The following ZNF224 variants were observed in gnomAD, a reference collection of about 807,000 sequenced individuals.
ZNF224 encodes the protein bone marrow zinc finger 2.
A neutral mutation model predicts 10.5 loss-of-function variants in ZNF224; 8 were observed. That is an observed-to-expected ratio of 0.76 (90% CI 0.45 to 1.37). The LOEUF (loss-of-function observed/expected upper bound fraction) is 1.37. Ranked by LOEUF, ZNF224 falls within the 40% of genes most tolerant of loss-of-function variation. The pLI, the probability that ZNF224 is intolerant of heterozygous loss-of-function variation, is 0.00. For synonymous variants in ZNF224, 282 were observed against 287.8 expected, an observed-to-expected ratio of 0.98 and a Z score of 0.20; for missense variants, 754 against 854.0, an observed-to-expected ratio of 0.88 and a Z score of 1.46.
intron 1 of ZNF224, chr19:44,095,656 T>TA (rs1967421643): frequency 6.6e-6 from 1 of 152,214 alleles, no homozygotes; most frequent in Non-Finnish European, 1.5e-5. Flanking sequence ...CGCGGTGGCT[T>TA]ACGCCTGTAA....
rs1446348568 is a variant in ZNF224 at position 44,109,613 on chromosome 19, T to C, written c.*1329T>C. The stretch of plus-strand genomic sequence containing the variant: ...GAAACTATGCCTATGACACTAAAAC[T>C]CCAAAAAGTAGAAGACCACATTGAT... On this transcript the variant is annotated 3_prime_UTR_variant, in exon 6 of 6. Coordinates refer to ENST00000693561, the MANE Select transcript of ZNF224 (RefSeq NM_001321645.3). 6.6e-6 allele frequency: 1 copy of C among 152,050 alleles called. No homozygotes were observed. Among genetic ancestry groups the C allele is most frequent in the Non-Finnish European group, 1.5e-5 (1 of 67,998 alleles). The allele number at this position is 152,050 out of a possible 1,614,324, so 9.4% of individuals were successfully genotyped here.
intron 5 of ZNF224, chr19:44,105,185 ACT>A (rs1967630282): frequency 6.6e-6 from 1 of 152,100 alleles, no homozygotes; most frequent in Non-Finnish European, 1.5e-5. Flanking sequence ...ACCTAGTTTT[ACT>A]CTCAAGCAAA....
At chr19:44,106,310 G>A in intron 5 of ZNF224, 86 bp from the exon 6 acceptor site, 3 of 1,420,888 alleles carry the variant, frequency 2.1e-6, no homozygotes, top group East Asian at 4.6e-5. Flanking sequence ...ACTCATGAGA[G>A]TTTCCTGCCA....
chr19:44,097,201 C>A (rs1967453071), intron 2 of ZNF224: 1 of 161,252 alleles, frequency 6.2e-6, no homozygotes. Context: ...TACAAATATT[C>A]TATCAATATG....
chr19:44,107,726 T>C lies in ZNF224; in HGVS notation c.1566T>C (p.Asn522=), dbSNP rs374546157. 4.4e-6 allele frequency: 7 copies of C among 1,606,702 alleles called. No homozygotes were observed. In the African/African-American group the frequency reaches 6.9e-5, roughly 16 times the overall value. The change falls in exon 6 of 6, where the codon AAT becomes AAC. Residue 522 remains asparagine, a synonymous_variant. Transcript: ENST00000693561. Reference sequence around the variant, plus strand: ...GTGAGAAGTGTGGAAAGGGCTACAATAGTAAGTTTAATCTTGATATGCACC... The same window carrying C: ...GTGAGAAGTGTGGAAAGGGCTACAACAGTAAGTTTAATCTTGATATGCACC... ...YKCEKCGKGY[N]SKFNLDMHQK... is the part of the protein sequence containing the mutation.
At position 44,097,836 on chromosome 19, in the gene ZNF224, A is replaced by C. The variant is rs759250674; in HGVS notation, c.-38A>C. ...ATTCTGCTTTCCCAGGAACTGCATC[A>C]CTCAGGACTCTGCAAGTTTCCAGAA... is the stretch of plus-strand genomic sequence containing the variant. On this transcript the variant is annotated 5_prime_UTR_variant, in exon 3 of 6. Coordinates refer to ENST00000693561, the MANE Select transcript of ZNF224 (RefSeq NM_001321645.3). 1.2e-6 allele frequency: 2 copies of C among 1,613,434 alleles called. No individual in the cohort carries two copies. Among genetic ancestry groups the C allele is most frequent in the Non-Finnish European group, 1.7e-6 (2 of 1,179,720 alleles).
rs780415414 is a variant in ZNF224 at position 44,108,335 on chromosome 19, C to T, written c.*51C>T. The T allele has an allele frequency of 4.6e-6, 7 of 1,526,400 alleles. No homozygotes were observed. The highest frequency in any genetic ancestry group is 6.2e-6 in the Non-Finnish European group (7 of 1,136,552). The allele number at this position is 1,526,400 out of a possible 1,614,324, so 94.6% of individuals were successfully genotyped here. A position where few individuals can be genotyped will look rare whatever the true frequency, so the allele number is the denominator to read the frequency against. Reference sequence around the variant, plus strand: ...CACTCAGTCTTCATGAATGCAGTCTCATCTGAAAGTTCACAAAGGAGAGAC... The same window carrying T: ...CACTCAGTCTTCATGAATGCAGTCTTATCTGAAAGTTCACAAAGGAGAGAC... On this transcript the variant is annotated 3_prime_UTR_variant, in exon 6 of 6. Transcript: ENST00000693561.
At position 44,107,145 on chromosome 19, in the gene ZNF224, TCAG is replaced by T; in HGVS notation, c.988_990del (p.Ala330del). 2 of 1,607,004 alleles carry T rather than the reference TCAG, an allele frequency of 1.2e-6. No homozygotes were observed. Among genetic ancestry groups the T allele is most frequent in the East Asian group, 4.5e-5 (2 of 44,870 alleles). On this transcript the variant is annotated inframe_deletion, in exon 6 of 6. Transcript: ENST00000693561. ...GTGTGATAAGAGCTTTCGTCAGAGA[TCAG>T]CACTTAATAGTCATCGCATGATCCA...
In ZNF224 at chr19:44,106,690, C is replaced by T. The variant is rs72480796; in HGVS notation, c.530C>T (p.Thr177Met). Residue 177 changes from threonine to methionine, a missense_variant, in exon 6 of 6, where the codon ACG (threonine) becomes ATG (methionine). By Grantham distance (81) the Thr-to-Met change is moderately conservative (BLOSUM62 -1). Transcript: ENST00000693561. ...QQLHSGEKSHTCDECGKNFCY... is the reference protein window; with the variant it reads ...QQLHSGEKSHMCDECGKNFCY... ...TTACACTCAGGAGAGAAATCTCATA[C>T]GTGTGATGAGTGTGGAAAGAACTTT... 0.12 allele frequency: 185,012 copies of T among 1,601,742 alleles called. 11,697 individuals are homozygous for T. Among genetic ancestry groups the T allele is most frequent in the Non-Finnish European group, 0.13 (151,437 of 1,173,398 alleles).
intron 5 of ZNF224, 85 bp from the exon 6 acceptor site, chr19:44,106,311 T>C (rs1967658091): frequency 7.1e-6 from 10 of 1,417,602 alleles, no homozygotes; most frequent in Non-Finnish European, 9.8e-6. Flanking sequence ...CTCATGAGAG[T>C]TTCCTGCCAT....
At chr19:44,104,892 G>A (rs1310972890) in intron 5 of ZNF224, among the ~76,000 whole-genome samples, 1 of 152,214 alleles carries the variant, frequency 6.6e-6, no homozygotes, top group Non-Finnish European at 1.5e-5. Context: ...TCGATCTCCT[G>A]ACCTCGTGAT....
chr19:44,108,026 A>T lies in ZNF224; in HGVS notation c.1866A>T (p.Thr622=), dbSNP rs1178185985. 1.2e-6 allele frequency: 2 copies of T among 1,614,170 alleles called. No individual in the cohort carries two copies. The highest frequency in any genetic ancestry group is 4.5e-5 in the East Asian group (2 of 44,862). Residue 622 remains threonine (T), a synonymous_variant, in exon 6 of 6, where the codon ACA becomes ACT. Transcript: ENST00000693561. ...ATCAGAGACGCCACAGCAGAGAAAC[A>T]CCTCTCAAATGTGAGCAGCATGGGA... ...LTHQRRHSRE[T]PLKCEQHGKN...
intron 5 of ZNF224, chr19:44,105,534 T>TA (rs1967638148): frequency 6.6e-6 from 1 of 151,502 alleles, no homozygotes; most frequent in Non-Finnish European, 1.5e-5. Flanking sequence ...CAGTAGTCTT[T>TA]TTTTATTAAA....
At position 44,108,241 on chromosome 19, in the gene ZNF224, G is replaced by A. The variant is rs1357238967; in HGVS notation, c.2081G>A (p.Ser694Asn). ...GATATGTGCTTTAGTCAGGCCTCAA[G>A]CCTTCGACTTCATCAGAATGTTCAT... ...ECDMCFSQASSLRLHQNVHVG... is the reference protein window; with the variant it reads ...ECDMCFSQASNLRLHQNVHVG... Residue 694 changes from serine to asparagine, a missense_variant, in exon 6 of 6, where the codon AGC (serine) becomes AAC (asparagine). By Grantham distance (46) the Ser-to-Asn change is conservative (BLOSUM62 1). Transcript: ENST00000693561. The A allele has an allele frequency of 6.2e-7, 1 of 1,613,242 alleles. No individual in the cohort carries two copies. The highest frequency in any genetic ancestry group is 2.2e-5 in the East Asian group (1 of 44,866).
Position 44,106,500 on chromosome 19 carries a change from T to G in ZNF224, c.340T>G (p.Ser114Ala). 1 of 1,614,160 alleles carries G rather than the reference T, an allele frequency of 6.2e-7. No homozygotes were observed. The highest frequency in any genetic ancestry group is 8.5e-7 in the Non-Finnish European group (1 of 1,180,014). The change falls in exon 6 of 6, where the codon TCT (serine) becomes GCT (alanine). Residue 114 changes from serine to alanine, a missense_variant. Transcript: ENST00000693561. Reference protein sequence around the residue: ...WEKIASDLTRSQDLMINSSQF... With the variant: ...WEKIASDLTRAQDLMINSSQF... ...AAAAATTGCAAGTGATTTAACCAGG[T>G]CTCAAGACTTGATGATAAATAGCTC... is the stretch of plus-strand genomic sequence containing the variant.
intron 4 of ZNF224, 88 bp downstream of exon 4, chr19:44,101,015 A>T: frequency 5.6e-6 from 9 of 1,608,902 alleles, no homozygotes; most frequent in Non-Finnish European, 7.6e-6. Context: ...CTTAATTAGT[A>T]ACTTGAACCT....
rs1394139379 is a variant in ZNF224, at chr19:44,107,355, C to A, written c.1195C>A (p.Pro399Thr). Residue 399 changes from proline (P) to threonine (T), a missense_variant, in exon 6 of 6, where the codon CCA becomes ACA. Physicochemically the swap from Pro to Thr is conservative, Grantham distance 38. Transcript: ENST00000693561. ...TCAGCGAGTCCACAGTGGAGAAAAA[C>A]CATTCAAATGTGAAGAATGTGGGAA... The part of the protein sequence containing the change: ...KHQRVHSGEK[P>T]FKCEECGKGF... 2 of 1,594,382 alleles carry A rather than the reference C, an allele frequency of 1.3e-6. No homozygotes were observed. Among genetic ancestry groups the A allele is most frequent in the African/African-American group, 2.7e-5 (2 of 74,072 alleles).
intron 2 of ZNF224, among the ~76,000 whole-genome samples, chr19:44,096,836 T>G (rs1324358087): frequency 6.6e-6 from 1 of 152,230 alleles, no homozygotes; most frequent in East Asian, 1.9e-4. Flanking sequence ...GAGAAAGGCA[T>G]TCATTTGGAG....
intron 5 of ZNF224, among the ~76,000 whole-genome samples, chr19:44,103,687 TTTC>T (rs1192301001): frequency 1.3e-5 from 2 of 152,146 alleles, no homozygotes; most frequent in East Asian, 3.9e-4. Flanking sequence ...TGCCCTCTTT[TTTC>T]TTCTTTTTTT....
Sources: allele counts gnomAD v4.1 joint callset (sites outside exome capture counted in the v4.1 genomes callset), GRCh38; gene constraint gnomAD v4.1.1; transcripts MANE v1.5; gene names NCBI Gene and HGNC (gene_info 2026-07-23, HGNC 2026-07-21).